The following CDC42EP5 variants were observed in gnomAD, a reference collection of about 807,000 sequenced individuals.
The protein encoded by CDC42EP5 is CDC42 effector protein (Rho GTPase binding) 5.
For synonymous variants in CDC42EP5, 118 were observed against 123.3 expected, an observed-to-expected ratio of 0.96 and a Z score of 0.28; for missense variants, 269 against 238.0, an observed-to-expected ratio of 1.13 and a Z score of -0.86.
rs1406862548 is a variant in CDC42EP5, at chr19:54,465,431, G to A, written c.117C>T (p.Gly39=). 3 of 1,483,834 alleles carry A rather than the reference G, an allele frequency of 2.0e-6. No homozygotes were observed. The highest frequency in any genetic ancestry group is 2.7e-6 in the Non-Finnish European group (3 of 1,126,014). 91.9% of individuals were successfully genotyped at this position (1,483,834 alleles called of 1,614,324 possible). ...ACGAGGTGTCCCCGAAGGCGTCGCC[G>A]CCGCGCCCCACGTGCAGCGTGTGCC... is the stretch of plus-strand genomic sequence containing the variant. ...DFRHTLHVGR[G]GDAFGDTSFL... is the part of the protein sequence containing the mutation. The change falls in exon 3 of 3, where the codon GGC becomes GGT. Residue 39 remains glycine (G), a synonymous_variant. Transcript: ENST00000301200.
chr19:54,468,924 T>TTCCTTCCTTCCTTCCTTCC (rs2084795615), intron 2 of CDC42EP5, among the ~76,000 whole-genome samples: 340 of 31,582 alleles, frequency 0.011, 1 homozygote, highest in African/African-American at 0.033. Flanking sequence ...TCCTTCCTTC[T>TTCCTTCCTTCCTTCCTTCC]TTCTTTCTTT....
intron 2 of CDC42EP5, among the ~76,000 whole-genome samples, chr19:54,468,888 A>ATTCATTCCTTCC (rs1331627657): frequency 8.5e-4 from 99 of 116,284 alleles, no homozygotes; most frequent in African/African-American, 3.2e-3. Flanking sequence ...AGATACTCTG[A>ATTCATTCCTTCC]TTCCTTCCTT....
rs189082719 is a variant in CDC42EP5 at position 54,468,873 on chromosome 19, G to A, written c.-1+2672C>T. Among the ~76,000 whole-genome samples the A allele has an allele frequency of 2.4e-4, 18 of 76,272 alleles. No individual in the cohort carries two copies. In the East Asian group the frequency reaches 8.1e-3, roughly 34 times the overall value. 50.0% of individuals were successfully genotyped at this position (76,272 alleles called of 152,430 possible). On this transcript the variant is annotated intron_variant, in intron 2 of 2. Transcript: ENST00000301200. The stretch of plus-strand genomic sequence containing the variant: ...GGCCAATACTTACTTGTCTTACAAC[G>A]TGGTAGATACTCTGATTCCTTCCTT...
At chr19:54,466,306 G>A (rs1158045372) in intron 2 of CDC42EP5, among the ~76,000 whole-genome samples, 1 of 152,154 alleles carries the variant, frequency 6.6e-6, no homozygotes, top group Admixed American at 6.5e-5. Flanking sequence ...AGCGGGGCAT[G>A]GTGGCGCATG....
At chr19:54,471,141 T>A (rs1265029420) in intron 2 of CDC42EP5, among the ~76,000 whole-genome samples, 1 of 152,172 alleles carries the variant, frequency 6.6e-6, no homozygotes, top group African/African-American at 2.4e-5. Context: ...GGCTGTTGTT[T>A]GTGACCAACG....
At chr19:54,467,157 T>C (rs879700424) in intron 2 of CDC42EP5, among the ~76,000 whole-genome samples, 2 of 150,684 alleles carry the variant, frequency 1.3e-5, no homozygotes, top group Non-Finnish European at 3.0e-5. Flanking sequence ...AATAATAATA[T>C]AAATTCCCTA....
intron 2 of CDC42EP5, among the ~76,000 whole-genome samples, chr19:54,465,981 G>A (rs1003982298): frequency 2.0e-4 from 31 of 152,264 alleles, no homozygotes; most frequent in Admixed American, 1.4e-3. Flanking sequence ...AGGTCCCATG[G>A]GCACAGCTGC....
At chr19:54,468,912 C>CTTCCTTCCTTCCTTCCTTCCTTCG (rs1194725900) in intron 2 of CDC42EP5, among the ~76,000 whole-genome samples, 2 of 67,188 alleles carry the variant, frequency 3.0e-5, no homozygotes, top group Non-Finnish European at 7.0e-5. Flanking sequence ...TCCTTCCTTC[C>CTTCCTTCCTTCCTTCCTTCCTTCG]TTCCTTCCTT....
chr19:54,472,819 C>A (rs2084864368), intron 1 of CDC42EP5, among the ~76,000 whole-genome samples: 1 of 104,526 alleles, frequency 9.6e-6, no homozygotes, highest in Non-Finnish European at 2.0e-5. Flanking sequence ...GCCCCTTCTT[C>A]CTCAGACCCA....
At chr19:54,470,583 A>C (rs944661331) in intron 2 of CDC42EP5, among the ~76,000 whole-genome samples, 1 of 152,126 alleles carries the variant, frequency 6.6e-6, no homozygotes, top group African/African-American at 2.4e-5. Flanking sequence ...GGAAGAAAGA[A>C]AGACTACACT....
chr19:54,465,566 G>A lies in CDC42EP5; in HGVS notation c.1-19C>T, dbSNP rs2084744535. ...CGGGCATCTGCGAGGGGCACGGGAGGGTCAGCGCGGCCCCAGCCCGGGGCT... is the reference window on the plus strand; with the variant it reads ...CGGGCATCTGCGAGGGGCACGGGAGAGTCAGCGCGGCCCCAGCCCGGGGCT... On this transcript the variant is annotated intron_variant, in intron 2 of 2. Transcript: ENST00000301200. 6.8e-7 allele frequency: 1 copy of A among 1,479,930 alleles called. No homozygotes were observed. The allele number at this position is 1,479,930 out of a possible 1,614,324, so 91.7% of individuals were successfully genotyped here. A position where few individuals can be genotyped will look rare whatever the true frequency, so the allele number is the denominator to read the frequency against.
At chr19:54,469,246 G>A (rs879435230) in intron 2 of CDC42EP5, among the ~76,000 whole-genome samples, 2 of 151,848 alleles carry the variant, frequency 1.3e-5, no homozygotes, top group East Asian at 3.9e-4. Flanking sequence ...TGCCCACCTC[G>A]GCCTCCCAAA....
chr19:54,471,843 C>A (rs1298537923), intron 1 of CDC42EP5, among the ~76,000 whole-genome samples, 158 bp from the exon 2 acceptor site: 2 of 151,610 alleles, frequency 1.3e-5, no homozygotes, highest in African/African-American at 4.8e-5. Flanking sequence ...GCCCCCAGCC[C>A]CTTCTTCCTC....
chr19:54,466,685 G>GA (rs11336215), intron 2 of CDC42EP5, among the ~76,000 whole-genome samples: 51,707 of 151,766 alleles, frequency 0.34, 9,837 homozygotes, highest in East Asian at 0.63. Flanking sequence ...AAATACTGGG[G>GA]AAAAAATACA....
intron 2 of CDC42EP5, among the ~76,000 whole-genome samples, chr19:54,469,676 T>A (rs2084808757): frequency 6.6e-6 from 1 of 152,230 alleles, no homozygotes; most frequent in Non-Finnish European, 1.5e-5. Flanking sequence ...TCAATTAACA[T>A]ATGCTCAATG....
intron 2 of CDC42EP5, among the ~76,000 whole-genome samples, chr19:54,467,568 C>CTTTT (rs550861744): frequency 1.5e-5 from 2 of 137,914 alleles, no homozygotes; most frequent in African/African-American, 5.4e-5. Flanking sequence ...GCACCAAATT[C>CTTTT]TTTTTTTTTT....
chr19:54,470,322 T>C (rs1600054903), intron 2 of CDC42EP5, among the ~76,000 whole-genome samples: 1 of 151,618 alleles, frequency 6.6e-6, no homozygotes, highest in East Asian at 1.9e-4. Context: ...CAGTGAGGTA[T>C]GATCGTCCCA....
chr19:54,468,805 G>A (rs569402577), intron 2 of CDC42EP5, among the ~76,000 whole-genome samples: 1 of 151,290 alleles, frequency 6.6e-6, no homozygotes, highest in African/African-American at 2.4e-5. Context: ...GCCCGCCTTG[G>A]CCTCCCAAAG....
intron 2 of CDC42EP5, among the ~76,000 whole-genome samples, chr19:54,469,519 G>C (rs531484752): frequency 6.6e-6 from 1 of 152,300 alleles, no homozygotes; most frequent in Admixed American, 6.5e-5. Context: ...CTGTGGCTTT[G>C]AGCAACTTAC....
Sources: gnomAD v4.1 joint callset for allele counts (sites outside exome capture counted in the v4.1 genomes callset) on GRCh38, gnomAD v4.1.1 for gene constraint, MANE v1.5 for transcripts, NCBI Gene and HGNC (gene_info 2026-07-23, HGNC 2026-07-21) for gene names.